The following SPAG16 variants were observed in gnomAD, a reference collection of about 807,000 sequenced individuals.
SPAG16 encodes the protein sperm-associated antigen 16 protein.
A neutral mutation model predicts 80.4 loss-of-function variants in SPAG16; 86 were observed. The ratio of observed to expected loss-of-function variants is 1.07; its 90% CI spans 0.90 to 1.28. The LOEUF is 1.28. SPAG16 is among the 50% of genes most tolerant of loss of function. The probability of loss-of-function intolerance (pLI) is 0.00; values close to 1 mark genes in which losing one functional copy is unlikely to be tolerated. For missense variants in SPAG16, 870 were observed against 765.3 expected (o/e 1.14, Z -1.61); for synonymous variants, 294 against 265.9 (o/e 1.11, Z -1.03).
intron 10 of SPAG16, among the ~76,000 whole-genome samples, chr2:213,503,567 A>G (rs950736351): frequency 7.3e-4 from 111 of 152,344 alleles, no homozygotes; most frequent in African/African-American, 2.6e-3. Flanking sequence ...AGGTATTCAT[A>G]AAAAGGCTAA....
At chr2:214,197,284 C>A (rs1029299059) in intron 15 of SPAG16, among the ~76,000 whole-genome samples, 1 of 151,828 alleles carries the variant, frequency 6.6e-6, no homozygotes, top group African/African-American at 2.4e-5. Flanking sequence ...TTTATACAGA[C>A]AAAATAAATA....
At chr2:214,009,095 C>G (rs2047167879) in intron 12 of SPAG16, among the ~76,000 whole-genome samples, 1 of 152,108 alleles carries the variant, frequency 6.6e-6, no homozygotes. Flanking sequence ...AGCAATCAAC[C>G]ATAGAGCAGG....
At chr2:214,142,603 A>T (rs1207908771) in intron 14 of SPAG16, among the ~76,000 whole-genome samples, 2 of 152,168 alleles carry the variant, frequency 1.3e-5, no homozygotes, top group Non-Finnish European at 2.9e-5. Context: ...AGGGTGACCT[A>T]GGATAGGCTT....
chr2:213,460,268 T>C (rs2072284879), intron 9 of SPAG16, among the ~76,000 whole-genome samples: 1 of 152,226 alleles, frequency 6.6e-6, no homozygotes, highest in Non-Finnish European at 1.5e-5. Flanking sequence ...TATTGCATGT[T>C]GTTTGTTACC....
chr2:213,366,763 A>T (rs1476734547), intron 8 of SPAG16, among the ~76,000 whole-genome samples: 1 of 152,136 alleles, frequency 6.6e-6, no homozygotes, highest in Non-Finnish European at 1.5e-5. Flanking sequence ...GGATAAGCAA[A>T]ATGTGGTTTT....
chr2:213,518,423 G>GT (rs924881459), intron 10 of SPAG16, among the ~76,000 whole-genome samples: 14 of 151,628 alleles, frequency 9.2e-5, no homozygotes, highest in South Asian at 2.1e-4. Flanking sequence ...GCTGAGGCAG[G>GT]TTTTTTTTTC....
chr2:214,212,104 A>G (rs748752346), intron 15 of SPAG16, among the ~76,000 whole-genome samples: 3 of 152,170 alleles, frequency 2.0e-5, no homozygotes, highest in Non-Finnish European at 2.9e-5. Flanking sequence ...CAGTGAATTC[A>G]CATTACATTT....
intron 12 of SPAG16, among the ~76,000 whole-genome samples, chr2:213,994,558 G>A (rs1354503301): frequency 6.7e-6 from 1 of 149,494 alleles, no homozygotes; most frequent in Non-Finnish European, 1.5e-5. Context: ...ATTTCAGAGG[G>A]AGAAAATGAT....
At chr2:214,230,722 CA>C (rs1487488803) in intron 15 of SPAG16, among the ~76,000 whole-genome samples, 3 of 151,806 alleles carry the variant, frequency 2.0e-5, no homozygotes, top group Non-Finnish European at 4.4e-5. Flanking sequence ...AAAGGAGGCA[CA>C]AAGTACAGGC....
At chr2:213,771,959 A>G (rs1004940432) in intron 10 of SPAG16, among the ~76,000 whole-genome samples, 10 of 152,218 alleles carry the variant, frequency 6.6e-5, no homozygotes, top group Middle Eastern at 3.4e-3. Flanking sequence ...TATGAGTTTT[A>G]AAGTATTTTT....
chr2:214,084,356 A>T (rs1305429655), intron 13 of SPAG16, among the ~76,000 whole-genome samples: 1 of 152,168 alleles, frequency 6.6e-6, no homozygotes, highest in Admixed American at 6.5e-5. Flanking sequence ...CTTTGAAATG[A>T]CTTTTTTGTT....
intron 9 of SPAG16, among the ~76,000 whole-genome samples, chr2:213,453,036 A>T (rs1192652919): frequency 6.6e-6 from 1 of 152,168 alleles, no homozygotes; most frequent in Non-Finnish European, 1.5e-5. Flanking sequence ...TCATTTTCTT[A>T]GGGAAGTTTT....
At chr2:213,949,179 T>TTTTGTTTTG (rs2079609486) in intron 12 of SPAG16, among the ~76,000 whole-genome samples, 1 of 36,244 alleles carries the variant, frequency 2.8e-5, no homozygotes, top group Non-Finnish European at 5.5e-5. Context: ...GTTTTTTTTT[T>TTTTGTTTTG]TTTTTTTTTT....
chr2:213,694,147 G>A (rs1335397678), intron 10 of SPAG16, among the ~76,000 whole-genome samples: 1 of 152,114 alleles, frequency 6.6e-6, no homozygotes, highest in Non-Finnish European at 1.5e-5. Flanking sequence ...CTTGAGATCT[G>A]TAAGAATAAA....
At chr2:214,244,820 C>T (rs960950217) in intron 15 of SPAG16, among the ~76,000 whole-genome samples, 7 of 151,988 alleles carry the variant, frequency 4.6e-5, no homozygotes, top group Non-Finnish European at 8.8e-5. Context: ...CTTTATTCAA[C>T]GTATATTTTT....
intron 15 of SPAG16, among the ~76,000 whole-genome samples, chr2:214,220,131 A>G (rs141594696): frequency 1.3e-5 from 2 of 152,246 alleles, no homozygotes; most frequent in African/African-American, 2.4e-5. Flanking sequence ...AAGACTGTAA[A>G]TAGGATTTTT....
chr2:213,852,713 CA>C (rs2074968585), intron 10 of SPAG16, among the ~76,000 whole-genome samples: 1 of 152,192 alleles, frequency 6.6e-6, no homozygotes, highest in Admixed American at 6.5e-5. Context: ...CATTCTCCCC[CA>C]AATTATTATA....
chr2:213,306,187 C>T (rs1482544545), intron 3 of SPAG16, among the ~76,000 whole-genome samples: 1 of 151,074 alleles, frequency 6.6e-6, no homozygotes, highest in Non-Finnish European at 1.5e-5. Flanking sequence ...TTGTGATGTC[C>T]CCTTTTTCCT....
chr2:214,196,050 C>T (rs1275391212), intron 15 of SPAG16, among the ~76,000 whole-genome samples: 1 of 151,860 alleles, frequency 6.6e-6, no homozygotes, highest in African/African-American at 2.4e-5. Context: ...GAACCAGAAT[C>T]GCCCATATTT....
Sources: allele counts gnomAD v4.1 joint callset (sites outside exome capture counted in the v4.1 genomes callset), GRCh38; gene constraint gnomAD v4.1.1; transcripts MANE v1.5; gene names NCBI Gene and HGNC (gene_info 2026-07-23, HGNC 2026-07-21).